Variants in GSDME observed in about 807,000 individuals in gnomAD.
GSDME encodes the protein gasdermin E.
Under a neutral mutation model 47.5 loss-of-function variants are expected in GSDME, and 44 were observed. The observed-to-expected ratio is 0.93, with a 90% confidence interval of 0.73 to 1.19. The LOEUF is 1.19. GSDME is among the 50% of genes most tolerant of loss of function. The probability of loss-of-function intolerance (pLI) is 0.00; values close to 1 mark genes in which losing one functional copy is unlikely to be tolerated. For synonymous variants in GSDME, 258 were observed against 252.8 expected (o/e 1.02, Z -0.20); for missense variants, 663 against 604.2 (o/e 1.10, Z -1.02).
chr7:24,761,747 G>A (rs150431603), upstream of GSDME, among the ~76,000 whole-genome samples: 2 of 152,352 alleles, frequency 1.3e-5, no homozygotes, highest in African/African-American at 4.8e-5. This position sits in a 1 kb window ranked among gnomAD's most constrained non-coding sequence, Gnocchi z 4.4. Context: ...ACTTCTTATA[G>A]TGGAGGCTCA....
At position 24,732,616 on chromosome 7, in the gene GSDME, G is replaced by A. The variant is rs756487334; in HGVS notation, c.404+11946C>T. On this transcript the variant is annotated intron_variant, in intron 3 of 9. Transcript: ENST00000645220. The surrounding 1 kb of genome is among the most constrained non-coding windows in gnomAD (Gnocchi z 4.8). Reference sequence around the variant, plus strand: ...GCCATGTGGCAGAGAGAGAGAAGCCGTGTGCTGTAGGAGGGAGAGCACAGC... The same window carrying A: ...GCCATGTGGCAGAGAGAGAGAAGCCATGTGCTGTAGGAGGGAGAGCACAGC... Among the ~76,000 whole-genome samples the A allele has an allele frequency of 1.3e-5, 2 of 152,186 alleles. No individual in the cohort carries two copies. Among genetic ancestry groups the A allele is most frequent in the African/African-American group, 4.8e-5 (2 of 41,440 alleles).
chr7:24,728,454 A>G lies in GSDME; in HGVS notation c.405-9236T>C, dbSNP rs1790042179. Reference sequence around the variant, plus strand: ...GGTATATGAAGTGACCATCATCCTTATTTCAGAAAGCAACAAGAAGCACGA... The same window carrying G: ...GGTATATGAAGTGACCATCATCCTTGTTTCAGAAAGCAACAAGAAGCACGA... On this transcript the variant is annotated intron_variant, in intron 3 of 9. Transcript: ENST00000645220. This position sits in a 1 kb window ranked among gnomAD's most constrained non-coding sequence, Gnocchi z 7.2. Among the ~76,000 whole-genome samples the G allele has an allele frequency of 6.6e-6, 1 of 152,184 alleles. No individual in the cohort carries two copies. The highest frequency in any genetic ancestry group is 2.4e-5 in the African/African-American group (1 of 41,448).
At chr7:24,793,622 A>G in the GSDME span, among the ~76,000 whole-genome samples, 1 of 152,108 alleles carries the variant, frequency 6.6e-6, no homozygotes, top group African/African-American at 2.4e-5. Flanking sequence ...TTTATAACAC[A>G]CATTTTTTTT....
rs991724350 is a variant in GSDME at position 24,733,563 on chromosome 7, C to A, written c.404+10999G>T. On this transcript the variant is annotated intron_variant, in intron 3 of 9. Transcript: ENST00000645220. This position sits in a 1 kb window ranked among gnomAD's most constrained non-coding sequence, Gnocchi z 4.3. ...GGGGACCCCACTGCCCTGAAGAGTGCGTCTCAAACCTGCCAGCATTCACCA... is the reference window on the plus strand; with the variant it reads ...GGGGACCCCACTGCCCTGAAGAGTGAGTCTCAAACCTGCCAGCATTCACCA... Among the ~76,000 whole-genome samples the A allele has an allele frequency of 2.0e-5, 3 of 152,014 alleles. No homozygotes were observed. Among genetic ancestry groups the A allele is most frequent in the Non-Finnish European group, 2.9e-5 (2 of 68,012 alleles).
intron 2 of GSDME, among the ~76,000 whole-genome samples, chr7:24,748,144 GTATATATA>G (rs149368687): frequency 2.1e-5 from 3 of 140,940 alleles, no homozygotes; most frequent in Non-Finnish European, 3.1e-5. Flanking sequence ...ATTATATAGA[GTATATATA>G]TATATATATA....
rs1338369175 is a variant in GSDME at position 24,756,069 on chromosome 7, T to G, written c.-20+1327A>C. ...TTTTAATGAGAAGACAAATTAATAT[T>G]TCATCATTTCTTTCTAAAATAAAAA... On this transcript the variant is annotated intron_variant, in intron 1 of 9. Transcript: ENST00000645220. The surrounding 1 kb of genome is among the most constrained non-coding windows in gnomAD (Gnocchi z 4.2). Among the ~76,000 whole-genome samples the G allele has an allele frequency of 6.6e-6, 1 of 152,232 alleles. No individual in the cohort carries two copies. The highest frequency in any genetic ancestry group is 1.5e-5 in the Non-Finnish European group (1 of 68,032).
rs1466850959 is a variant in GSDME, at chr7:24,726,745, T to TG, written c.405-7528dup. Reference sequence around the variant, plus strand: ...TGGCGTTAACCCGGGAGGTGGAACTTGCAGTGAGCCGAGATCGCCCACTGC... The same window carrying TG: ...TGGCGTTAACCCGGGAGGTGGAACTTGGCAGTGAGCCGAGATCGCCCACTGC... On this transcript the variant is annotated intron_variant, in intron 3 of 9. Coordinates refer to ENST00000645220, the MANE Select transcript of GSDME (RefSeq NM_001127453.2). This position sits in a 1 kb window ranked among gnomAD's most constrained non-coding sequence, Gnocchi z 5.6. 6.7e-6 allele frequency among the ~76,000 whole-genome samples: 1 copy of TG among 149,868 alleles called. No individual in the cohort carries two copies. Among genetic ancestry groups the TG allele is most frequent in the Non-Finnish European group, 1.5e-5 (1 of 67,714 alleles).
chr7:24,758,065 T>C (rs1023703593), upstream of GSDME: 1 of 152,304 alleles, frequency 6.6e-6, no homozygotes, highest in African/African-American at 2.4e-5. The surrounding 1 kb of genome is among the most constrained non-coding windows in gnomAD (Gnocchi z 4.6). Flanking sequence ...GCTCAACGAA[T>C]ACTGAACGAG....
chr7:24,744,624 T>C lies in GSDME; in HGVS notation c.342A>G (p.Ser114=), dbSNP rs754499894. 1.2e-6 allele frequency: 2 copies of C among 1,614,188 alleles called. No individual in the cohort carries two copies. The highest frequency in any genetic ancestry group is 2.2e-5 in the East Asian group (1 of 44,882). The change falls in exon 3 of 10, where the codon TCA becomes TCG. Residue 114 remains serine, a synonymous_variant. Coordinates refer to ENST00000645220, the MANE Select transcript of GSDME (RefSeq NM_001127453.2). The surrounding 1 kb of genome is among the most constrained non-coding windows in gnomAD (Gnocchi z 4.5). The stretch of plus-strand genomic sequence containing the variant: ...CCTCCTGCTTCCTCAGGGTTCCAAA[T>C]GAAGACTGGCTCTCTACGCGGCTGC... ...GGSSRVESQS[S]FGTLRKQEVD... is the part of the protein sequence containing the mutation.
the GSDME span, among the ~76,000 whole-genome samples, chr7:24,767,926 G>A: frequency 6.6e-6 from 1 of 152,094 alleles, no homozygotes; most frequent in Non-Finnish European, 1.5e-5. The surrounding 1 kb of genome is among the most constrained non-coding windows in gnomAD (Gnocchi z 5.3). Flanking sequence ...TTTTATTAAG[G>A]GCCATCTGGT....
chr7:24,713,259 G>A (rs1191848643), intron 5 of GSDME, among the ~76,000 whole-genome samples: 2 of 152,082 alleles, frequency 1.3e-5, no homozygotes, highest in African/African-American at 4.8e-5. Context: ...CGGGAGACAC[G>A]GCTGCTCCTT....
At chr7:24,763,819 C>T in the GSDME span, among the ~76,000 whole-genome samples, 40 of 152,196 alleles carry the variant, frequency 2.6e-4, no homozygotes, top group African/African-American at 5.1e-4. This position sits in a 1 kb window ranked among gnomAD's most constrained non-coding sequence, Gnocchi z 4.3. Flanking sequence ...GAGCAGTGGC[C>T]GACACAGCTT....
rs1399832882 is a variant in GSDME, at chr7:24,733,765, A to G, written c.404+10797T>C. Reference sequence around the variant, plus strand: ...AGTGCCAGTTGAGCCACAGTAGAGTAGAGCACCACATAGATTTCTAAGGTT... The same window carrying G: ...AGTGCCAGTTGAGCCACAGTAGAGTGGAGCACCACATAGATTTCTAAGGTT... On this transcript the variant is annotated intron_variant, in intron 3 of 9. Coordinates refer to ENST00000645220, the MANE Select transcript of GSDME (RefSeq NM_001127453.2). The surrounding 1 kb of genome is among the most constrained non-coding windows in gnomAD (Gnocchi z 4.3). Among the ~76,000 whole-genome samples the G allele has an allele frequency of 2.6e-5, 4 of 152,180 alleles. No individual in the cohort carries two copies. The highest frequency in any genetic ancestry group is 9.7e-5 in the African/African-American group (4 of 41,440).
chr7:24,780,974 A>T, the GSDME span, among the ~76,000 whole-genome samples: 1 of 152,258 alleles, frequency 6.6e-6, no homozygotes, highest in Non-Finnish European at 1.5e-5. The surrounding 1 kb of genome is among the most constrained non-coding windows in gnomAD (Gnocchi z 4.1). Context: ...ACCTTGACGC[A>T]GGGACTCAGG....
At chr7:24,777,322 G>A in the GSDME span, among the ~76,000 whole-genome samples, 2 of 152,154 alleles carry the variant, frequency 1.3e-5, no homozygotes, top group African/African-American at 4.8e-5. Flanking sequence ...ATCCGAACCA[G>A]AGACCACACC....
At chr7:24,700,010 CTT>C (rs1406284740) in intron 9 of GSDME, among the ~76,000 whole-genome samples, 1 of 152,134 alleles carries the variant, frequency 6.6e-6, no homozygotes, top group African/African-American at 2.4e-5. Flanking sequence ...TTGATCTCCC[CTT>C]CTCATCACTC....
chr7:24,717,467 G>A, intron 4 of GSDME, 93 bp from the exon 5 acceptor site: 1 of 1,579,556 alleles, frequency 6.3e-7, no homozygotes, highest in Middle Eastern at 1.7e-4. Flanking sequence ...TTATACATAA[G>A]AGATGCTGAG....
intron 1 of GSDME, among the ~76,000 whole-genome samples, chr7:24,750,249 C>G (rs1405581423): frequency 6.6e-6 from 1 of 152,134 alleles, no homozygotes; most frequent in East Asian, 1.9e-4. Flanking sequence ...CAAGGCAGAT[C>G]GTTTATAACT....
In GSDME at chr7:24,754,679, G is replaced by A. The variant is rs943758418; in HGVS notation, c.-20+2717C>T. 9.9e-5 allele frequency among the ~76,000 whole-genome samples: 15 copies of A among 152,254 alleles called. No individual in the cohort carries two copies. The highest frequency in any genetic ancestry group is 8.3e-4 in the South Asian group (4 of 4,806). On this transcript the variant is annotated intron_variant, in intron 1 of 9. Transcript: ENST00000645220. The surrounding 1 kb of genome is among the most constrained non-coding windows in gnomAD (Gnocchi z 5.0). Reference sequence around the variant, plus strand: ...TGACACAAAGTTAGCAAAGCACACAGCCAACTGGAGCCACTGGGAACAAAG... The same window carrying A: ...TGACACAAAGTTAGCAAAGCACACAACCAACTGGAGCCACTGGGAACAAAG...
Sources: gnomAD v4.1 joint callset for allele counts (sites outside exome capture counted in the v4.1 genomes callset) on GRCh38, gnomAD v4.1.1 for gene constraint, Gnocchi (gnomAD v3.1) non-coding constraint, MANE v1.5 for transcripts, NCBI Gene and HGNC (gene_info 2026-07-23, HGNC 2026-07-21) for gene names.